Variants in RPH3A observed in about 807,000 individuals in gnomAD.
The protein encoded by RPH3A is rabphilin 3A.
A neutral mutation model predicts 102.2 loss-of-function variants in RPH3A; 48 were observed. The ratio of observed to expected loss-of-function variants is 0.47; its 90% CI spans 0.37 to 0.60. RPH3A has a LOEUF of 0.60. RPH3A is among the 20% of genes least tolerant of loss of function. The probability of loss-of-function intolerance (pLI) is 0.00; values close to 1 mark genes in which losing one functional copy is unlikely to be tolerated. For missense variants in RPH3A, 781 were observed against 910.1 expected (o/e 0.86, Z 1.83); for synonymous variants, 310 against 324.3 (o/e 0.96, Z 0.47).
At chr12:112,840,773 G>C (rs1021179305) in intron 4 of RPH3A, among the ~76,000 whole-genome samples, 6 of 152,096 alleles carry the variant, frequency 3.9e-5, no homozygotes, top group Non-Finnish European at 8.8e-5. Flanking sequence ...TGTATTTCGG[G>C]TAGGGGCATA....
intron 1 of RPH3A, among the ~76,000 whole-genome samples, chr12:112,687,370 G>A (rs1005719456): frequency 2.0e-5 from 3 of 152,116 alleles, no homozygotes; most frequent in African/African-American, 7.2e-5. Context: ...ACTCTGGGAT[G>A]CATGTCCACT....
At chr12:112,739,713 G>A (rs758525055) in intron 1 of RPH3A, among the ~76,000 whole-genome samples, 1 of 152,142 alleles carries the variant, frequency 6.6e-6, no homozygotes, top group Non-Finnish European at 1.5e-5. Flanking sequence ...GATTACAGGG[G>A]CCACATCCCT....
chr12:112,847,670 T>C, intron 4 of RPH3A, 26 bp from the exon 5 acceptor site: 1 of 1,611,614 alleles, frequency 6.2e-7, no homozygotes, highest in Non-Finnish European at 8.5e-7. Context: ...CTGCCCACCC[T>C]CACACCTTCC....
At chr12:112,793,055 G>GAA (rs2136088449) in intron 2 of RPH3A, among the ~76,000 whole-genome samples, 2 of 152,282 alleles carry the variant, frequency 1.3e-5, no homozygotes, top group Admixed American at 1.3e-4. Flanking sequence ...AAATTCTGGG[G>GAA]AAAGATTCCA....
At position 112,848,927 on chromosome 12, in the gene RPH3A, A is replaced by C. The variant is rs2042276264; in HGVS notation, c.230+1085A>C. On this transcript the variant is annotated intron_variant, in intron 5 of 21. Coordinates refer to ENST00000389385, the MANE Select transcript of RPH3A (RefSeq NM_001143854.2). ...GGAGACTGGCTGCCGGGATACAGAG[A>C]GGCCACTGGAGTGGTCTTCCTAGAC... Among the ~76,000 whole-genome samples, 3 of 152,108 alleles carry C rather than the reference A, an allele frequency of 2.0e-5. No individual in the cohort carries two copies. The South Asian group carries it at 6.2e-4, about 32-fold the overall frequency.
chr12:112,863,708 A>G (rs2042560127), intron 5 of RPH3A, among the ~76,000 whole-genome samples: 1 of 152,220 alleles, frequency 6.6e-6, no homozygotes, highest in Non-Finnish European at 1.5e-5. Flanking sequence ...TCACCTGTAA[A>G]ATGGCATAAA....
chr12:112,750,144 C>T (rs1428959246), intron 1 of RPH3A, among the ~76,000 whole-genome samples: 1 of 152,176 alleles, frequency 6.6e-6, no homozygotes, highest in African/African-American at 2.4e-5. Context: ...ATAAGCCTTA[C>T]AGCACTGCAA....
intron 1 of RPH3A, among the ~76,000 whole-genome samples, chr12:112,621,266 C>A (rs1034122061): frequency 6.6e-6 from 1 of 151,618 alleles, no homozygotes; most frequent in Non-Finnish European, 1.5e-5. Context: ...ACGCAGAAGA[C>A]GGGTGATTTC....
At chr12:112,674,393 C>T (rs1012306314) in intron 1 of RPH3A, among the ~76,000 whole-genome samples, 9 of 152,152 alleles carry the variant, frequency 5.9e-5, no homozygotes, top group Non-Finnish European at 1.3e-4. Flanking sequence ...CTTCTGGCTT[C>T]GTGTGCCACC....
chr12:112,614,678 G>T (rs555161530), intron 1 of RPH3A, among the ~76,000 whole-genome samples: 27 of 102,368 alleles, frequency 2.6e-4, no homozygotes, highest in Non-Finnish European at 3.5e-4. Context: ...ACAGGAGTGA[G>T]ACCCTGCCTC....
At chr12:112,774,923 T>C (rs1232220145) in intron 1 of RPH3A, among the ~76,000 whole-genome samples, 1 of 152,096 alleles carries the variant, frequency 6.6e-6, no homozygotes, top group Non-Finnish European at 1.5e-5. Context: ...TTTACCTATG[T>C]AACAAACCTG....
At chr12:112,719,082 C>A (rs143304480) in intron 1 of RPH3A, among the ~76,000 whole-genome samples, 1 of 152,148 alleles carries the variant, frequency 6.6e-6, no homozygotes, top group South Asian at 2.1e-4. Flanking sequence ...TGGAGGGGTG[C>A]TACTGGCATA....
chr12:112,831,830 T>C (rs2041975578), intron 3 of RPH3A: 1 of 456,034 alleles, frequency 2.2e-6, no homozygotes, highest in South Asian at 1.5e-5. Context: ...TTGCCCTTCC[T>C]CTGTAGATGG....
At position 112,847,576 on chromosome 12, in the gene RPH3A, G is replaced by T; in HGVS notation, c.84-120G>T. 4 of 1,123,656 alleles carry T rather than the reference G, an allele frequency of 3.6e-6. No individual in the cohort carries two copies. In the South Asian group the frequency reaches 5.9e-5, roughly 17 times the overall value. 69.6% of individuals were successfully genotyped at this position (1,123,656 alleles called of 1,614,324 possible). A position where few individuals can be genotyped will look rare whatever the true frequency, so the allele number is the denominator to read the frequency against. ...GTGTGTCCCATTGCAGAGAGGAGCA[G>T]ATTGAAGCTCTGAGAGAGATGATCC... On this transcript the variant is annotated intron_variant, in intron 4 of 21. Transcript: ENST00000389385.
At chr12:112,772,536 T>C (rs550002034) in intron 1 of RPH3A, among the ~76,000 whole-genome samples, 1 of 152,296 alleles carries the variant, frequency 6.6e-6, no homozygotes, top group East Asian at 1.9e-4. Context: ...AAACAATAGC[T>C]AAGGTTGTAC....
chr12:112,730,071 T>A (rs1446213210), intron 1 of RPH3A, among the ~76,000 whole-genome samples: 1 of 152,096 alleles, frequency 6.6e-6, no homozygotes, highest in Non-Finnish European at 1.5e-5. Flanking sequence ...ATTGGGGTGA[T>A]ACAGCAGAAA....
intron 1 of RPH3A, among the ~76,000 whole-genome samples, chr12:112,684,156 T>C (rs983138205): frequency 6.6e-6 from 1 of 152,228 alleles, no homozygotes; most frequent in Non-Finnish European, 1.5e-5. Context: ...GGTGTACATG[T>C]TAACATATTG....
At chr12:112,585,113 C>T (rs2135960419) in intron 1 of RPH3A, among the ~76,000 whole-genome samples, 1 of 152,288 alleles carries the variant, frequency 6.6e-6, no homozygotes, top group South Asian at 2.1e-4. Flanking sequence ...AAGCATCCAG[C>T]AGGGGAGAAA....
At chr12:112,856,350 C>T (rs1031571178) in intron 5 of RPH3A, among the ~76,000 whole-genome samples, 4 of 152,306 alleles carry the variant, frequency 2.6e-5, no homozygotes, top group South Asian at 2.1e-4. Context: ...AAGCAGAGGT[C>T]GGTCCTCCAC....
Sources: allele counts gnomAD v4.1 joint callset (sites outside exome capture counted in the v4.1 genomes callset), GRCh38; gene constraint gnomAD v4.1.1; transcripts MANE v1.5; gene names NCBI Gene and HGNC (gene_info 2026-07-23, HGNC 2026-07-21).